GLT1D1: variants seen among roughly 807,000 people sequenced by gnomAD.
GLT1D1 encodes glycosyltransferase 1 domain containing 1, also known as glycosyltransferase 1 domain-containing protein 1.
In GLT1D1, 21 loss-of-function variants were observed where a neutral mutation model predicts 28.7. The ratio of observed to expected loss-of-function variants is 0.73; its 90% CI spans 0.52 to 1.05. The LOEUF (loss-of-function observed/expected upper bound fraction) is 1.05, where lower values mean the gene tolerates loss of function less well. Among genes scored for constraint, GLT1D1 ranks in the 50% least tolerant of loss-of-function variants. The probability of loss-of-function intolerance (pLI) is 0.00; values close to 1 mark genes in which losing one functional copy is unlikely to be tolerated. For synonymous variants in GLT1D1, 147 were observed against 124.8 expected, an observed-to-expected ratio of 1.18 and a Z score of -1.19; for missense variants, 343 against 330.6, an observed-to-expected ratio of 1.04 and a Z score of -0.29.
intron 3 of GLT1D1, among the ~76,000 whole-genome samples, chr12:128,894,416 A>G (rs1869402885): frequency 6.6e-6 from 1 of 152,086 alleles, no homozygotes; most frequent in South Asian, 2.1e-4. Context: ...TGCAGTAATT[A>G]TTCCTGTGGT....
At position 128,902,426 on chromosome 12, in the gene GLT1D1, A is replaced by G. The variant is rs375566767; in HGVS notation, c.375+3139A>G. On this transcript the variant is annotated intron_variant, in intron 4 of 7. Transcript: ENST00000281703. ...CTTGAACCCAGAAGGTGGAGGTTGC[A>G]GTGAGCCGAGATTGTACCATTGCAC... 5.7e-3 allele frequency among the ~76,000 whole-genome samples: 863 copies of G among 150,404 alleles called. 30 individuals are homozygous for G. The highest frequency in any genetic ancestry group is 0.02 in the African/African-American group (823 of 40,412).
chr12:128,943,650 C>T (rs1453129568), intron 4 of GLT1D1, among the ~76,000 whole-genome samples: 2 of 152,212 alleles, frequency 1.3e-5, no homozygotes, highest in African/African-American at 4.8e-5. Flanking sequence ...CGAATGGATA[C>T]ATTGTTGTAG....
Position 128,956,171 on chromosome 12 carries a change from A to AAAAAAAAAAAGAG in GLT1D1, c.541-1373_541-1372insAAAAAAAAAGAGA, listed in dbSNP as rs374597920. Among the ~76,000 whole-genome samples, 7 of 63,976 alleles carry AAAAAAAAAAAGAG rather than the reference A, an allele frequency of 1.1e-4. 1 individual carries two copies. The highest frequency in any genetic ancestry group is 7.0e-3 in the Middle Eastern group (1 of 142). 42.0% of individuals were successfully genotyped at this position (63,976 alleles called of 152,430 possible). A position where few individuals can be genotyped will look rare whatever the true frequency, so the allele number is the denominator to read the frequency against. On this transcript the variant is annotated intron_variant, in intron 6 of 7. Transcript: ENST00000281703. ...GAGACTCCATCTCAAAAAAAAAAAA[A>AAAAAAAAAAAGAG]AGAGAAAGAGAGAAAGAAAGAAAGA...
intron 7 of GLT1D1, among the ~76,000 whole-genome samples, chr12:128,958,254 C>A (rs1016940491): frequency 6.6e-6 from 1 of 152,150 alleles, no homozygotes; most frequent in Non-Finnish European, 1.5e-5. Context: ...ATCCGACGCC[C>A]TGAGTGCCTC....
chr12:128,854,946 G>T (rs1039688940), intron 1 of GLT1D1, among the ~76,000 whole-genome samples: 4 of 152,128 alleles, frequency 2.6e-5, no homozygotes, highest in African/African-American at 9.7e-5. Flanking sequence ...CAGGTTTCAT[G>T]GTGCAGGTTT....
intron 4 of GLT1D1, chr12:128,944,792 A>G (rs1342139187): frequency 2.8e-6 from 1 of 358,304 alleles, no homozygotes; most frequent in East Asian, 6.4e-5. Flanking sequence ...TAACACGTCA[A>G]TTTATATATA....
intron 6 of GLT1D1, among the ~76,000 whole-genome samples, chr12:128,950,571 T>C (rs918342574): frequency 6.6e-6 from 1 of 152,158 alleles, no homozygotes; most frequent in Non-Finnish European, 1.5e-5. Flanking sequence ...CAGAATGACC[T>C]TGAAGCTTAA....
intron 7 of GLT1D1, among the ~76,000 whole-genome samples, chr12:128,980,033 T>C (rs1880169235): frequency 6.6e-6 from 1 of 152,260 alleles, no homozygotes; most frequent in Admixed American, 6.5e-5. Flanking sequence ...AACCTTAAGC[T>C]GAACCATCAT....
intron 6 of GLT1D1, among the ~76,000 whole-genome samples, chr12:128,951,297 G>C (rs1876669873): frequency 6.6e-6 from 1 of 152,126 alleles, no homozygotes; most frequent in African/African-American, 2.4e-5. Context: ...CAGCTACTAG[G>C]GTGGCAGAGG....
At chr12:128,878,329 A>T (rs1956923131) in intron 2 of GLT1D1, among the ~76,000 whole-genome samples, 1 of 152,234 alleles carries the variant, frequency 6.6e-6, no homozygotes, top group Non-Finnish European at 1.5e-5. Context: ...GCACATACAT[A>T]GATCTGTCTC....
chr12:128,942,735 G>GTTTT lies in GLT1D1; in HGVS notation c.376-2588_376-2587insTTTT, dbSNP rs1397894974. ...ATCACTTTAGATTCCAATTTTCTTT[G>GTTTT]TTTGTTTGTTTTTGTTTTTTGTTTT... On this transcript the variant is annotated intron_variant, in intron 4 of 7. Transcript: ENST00000281703. Among the ~76,000 whole-genome samples, 368 of 89,334 alleles carry GTTTT rather than the reference G, an allele frequency of 4.1e-3. 76 individuals are homozygous for GTTTT. The highest frequency in any genetic ancestry group is 0.014 in the African/African-American group (311 of 23,026). The allele number at this position is 89,334 out of a possible 152,430, so 58.6% of individuals were successfully genotyped here.
In GLT1D1 at chr12:128,978,187, G is replaced by A. The variant is rs141652009; in HGVS notation, c.640-4742G>A. On this transcript the variant is annotated intron_variant, in intron 7 of 7. Transcript: ENST00000281703. ...TCCTCCGGGGTTACAGTGCGTGTGT[G>A]TGGCTGTCAGCCAATCGGCTTTTCC... is the stretch of plus-strand genomic sequence containing the variant. Among the ~76,000 whole-genome samples the A allele has an allele frequency of 4.0e-3, 610 of 152,184 alleles. 6 individuals carry two copies. The highest frequency in any genetic ancestry group is 0.014 in the African/African-American group (592 of 41,520).
chr12:128,964,133 G>T (rs1039158238), intron 7 of GLT1D1, among the ~76,000 whole-genome samples: 8 of 152,242 alleles, frequency 5.3e-5, no homozygotes, highest in African/African-American at 1.7e-4. Context: ...GCTCATGCCT[G>T]TAATCCCAGC....
intron 6 of GLT1D1, among the ~76,000 whole-genome samples, chr12:128,952,011 C>T (rs1456284273): frequency 6.6e-6 from 1 of 152,116 alleles, no homozygotes; most frequent in African/African-American, 2.4e-5. Context: ...TGTGGACCAT[C>T]AAATGGGATG....
rs73440307 is a variant in GLT1D1 at position 128,888,702 on chromosome 12, C to T, written c.281C>T (p.Ala94Val). The change falls in exon 3 of 8, where the codon GCG becomes GTG. Residue 94 changes from alanine to valine, a missense_variant. Coordinates refer to ENST00000281703, the MANE Select transcript of GLT1D1 (RefSeq NM_144669.3). ...GATGTAAATGAAGATGCCAACCAGG[C>T]GGAAAAAAACACAGTCATGGGCAGA... 0.011 allele frequency: 17,317 copies of T among 1,613,158 alleles called. 1,262 individuals carry two copies. In the African/African-American group the frequency reaches 0.18, roughly 16 times the overall value.
intron 1 of GLT1D1, among the ~76,000 whole-genome samples, chr12:128,853,985 G>A (rs986757353): frequency 6.6e-6 from 1 of 151,916 alleles, no homozygotes; most frequent in Admixed American, 6.6e-5. Context: ...GATCCGCAGG[G>A]ATGCGCAGCG....
At chr12:128,879,451 T>TTTCTTTCTTTCTTTCTTTCC (rs1956977821) in intron 2 of GLT1D1, among the ~76,000 whole-genome samples, 2 of 127,564 alleles carry the variant, frequency 1.6e-5, no homozygotes, top group African/African-American at 6.1e-5. Context: ...TCTTTCTTTC[T>TTTCTTTCTTTCTTTCTTTCC]TTCTTTCTTT....
chr12:128,869,517 A>G (rs533332118), intron 1 of GLT1D1, among the ~76,000 whole-genome samples: 1 of 152,116 alleles, frequency 6.6e-6, no homozygotes, highest in South Asian at 2.1e-4. Context: ...TATGATATAA[A>G]TAGAATATTT....
At chr12:128,855,740 G>C (rs1956201119) in intron 1 of GLT1D1, among the ~76,000 whole-genome samples, 2 of 142,782 alleles carry the variant, frequency 1.4e-5, no homozygotes, top group Non-Finnish European at 3.0e-5. Context: ...AAGGGCTGCT[G>C]GTTGCCTTTT....
Sources: allele counts gnomAD v4.1 joint callset (sites outside exome capture counted in the v4.1 genomes callset), GRCh38; gene constraint gnomAD v4.1.1; transcripts MANE v1.5; gene names NCBI Gene and HGNC (gene_info 2026-07-23, HGNC 2026-07-21).